The following KCNAB1 variants were observed in gnomAD, a reference collection of about 807,000 sequenced individuals.
KCNAB1 encodes the protein voltage-gated potassium channel subunit beta-1.
Under a neutral mutation model 64.6 loss-of-function variants are expected in KCNAB1, and 35 were observed. The ratio of observed to expected loss-of-function variants is 0.54; its 90% confidence interval spans 0.41 to 0.72. The LOEUF is 0.72. KCNAB1 is among the 30% of genes least tolerant of loss of function. KCNAB1 has a pLI of 0.00. For synonymous variants in KCNAB1, 177 were observed against 183.8 expected (o/e 0.96, Z 0.30); for missense variants, 401 against 512.9 (o/e 0.78, Z 2.11).
At chr3:156,351,317 C>T (rs1002962270) in intron 1 of KCNAB1, among the ~76,000 whole-genome samples, 9 of 152,178 alleles carry the variant, frequency 5.9e-5, no homozygotes, top group Non-Finnish European at 1.0e-4. Flanking sequence ...GGAAGCTCCA[C>T]GTCAGGGGTT....
chr3:156,360,494 G>C (rs150382259), intron 1 of KCNAB1, among the ~76,000 whole-genome samples: 1 of 152,282 alleles, frequency 6.6e-6, no homozygotes, highest in Non-Finnish European at 1.5e-5. Context: ...AGGATCGCTT[G>C]AGGCCAGGAG....
intron 1 of KCNAB1, among the ~76,000 whole-genome samples, chr3:156,306,618 G>A (rs1446537537): frequency 6.6e-6 from 1 of 152,202 alleles, no homozygotes; most frequent in Admixed American, 6.5e-5. Flanking sequence ...GAAAGAAAAG[G>A]CATTTCCCAG....
chr3:156,440,550 A>G (rs1229993296), intron 2 of KCNAB1, among the ~76,000 whole-genome samples: 1 of 152,230 alleles, frequency 6.6e-6, no homozygotes, highest in Non-Finnish European at 1.5e-5. Flanking sequence ...ATGTACCAAC[A>G]TTGTTTTATG....
At chr3:156,443,645 A>T (rs1287392067) in intron 2 of KCNAB1, among the ~76,000 whole-genome samples, 14 of 151,418 alleles carry the variant, frequency 9.2e-5, no homozygotes, top group Non-Finnish European at 7.4e-5. Context: ...GAGGCTGAGG[A>T]TGTCTTTCTC....
At chr3:156,326,960 A>G (rs1265812357) in intron 1 of KCNAB1, among the ~76,000 whole-genome samples, 1 of 152,170 alleles carries the variant, frequency 6.6e-6, no homozygotes, top group Non-Finnish European at 1.5e-5. Flanking sequence ...ATCATGTTGT[A>G]GCTCAGACTC....
chr3:156,241,705 CTA>C (rs200525489), intron 1 of KCNAB1, among the ~76,000 whole-genome samples: 4 of 151,960 alleles, frequency 2.6e-5, no homozygotes, highest in East Asian at 1.9e-4. Context: ...CTTCAGGACT[CTA>C]TTGTTTTGAA....
At chr3:156,309,524 GA>G (rs1368725736) in intron 1 of KCNAB1, among the ~76,000 whole-genome samples, 2 of 152,220 alleles carry the variant, frequency 1.3e-5, no homozygotes, top group African/African-American at 4.8e-5. Context: ...TAAAGCAAAA[GA>G]AATATTGAAT....
chr3:156,226,632 A>G (rs1489612140), intron 1 of KCNAB1, among the ~76,000 whole-genome samples: 2 of 152,224 alleles, frequency 1.3e-5, no homozygotes, highest in Non-Finnish European at 2.9e-5. Flanking sequence ...CAAAAATCTC[A>G]GAAATCACCG....
chr3:156,299,056 T>C (rs745468798), intron 1 of KCNAB1, among the ~76,000 whole-genome samples: 7 of 152,238 alleles, frequency 4.6e-5, no homozygotes, highest in Non-Finnish European at 8.8e-5. Context: ...TTTATATAGA[T>C]TGGCCAGTTA....
At chr3:156,233,720 G>A (rs1020205816) in intron 1 of KCNAB1, among the ~76,000 whole-genome samples, 7 of 152,108 alleles carry the variant, frequency 4.6e-5, no homozygotes, top group African/African-American at 9.7e-5. Flanking sequence ...AGTGGAGACA[G>A]TGAGGAGTGG....
intron 1 of KCNAB1, among the ~76,000 whole-genome samples, chr3:156,351,641 C>T (rs1042528055): frequency 6.6e-6 from 1 of 152,256 alleles, no homozygotes; most frequent in Admixed American, 6.5e-5. Flanking sequence ...AGAAGCTCCA[C>T]TCAGTCGCTA....
intron 1 of KCNAB1, among the ~76,000 whole-genome samples, chr3:156,223,636 A>G (rs1416301612): frequency 6.6e-6 from 1 of 152,170 alleles, no homozygotes; most frequent in East Asian, 1.9e-4. Context: ...TCCCTTAGCT[A>G]GACATAAAGG....
intron 1 of KCNAB1, among the ~76,000 whole-genome samples, chr3:156,397,193 C>G (rs1713527404): frequency 6.6e-6 from 1 of 152,184 alleles, no homozygotes; most frequent in African/African-American, 2.4e-5. Flanking sequence ...TCAAAACTCA[C>G]TAGCTAAGAG....
chr3:156,290,992 A>G (rs1183829478), intron 1 of KCNAB1: 2 of 985,552 alleles, frequency 2.0e-6, no homozygotes, highest in Non-Finnish European at 2.4e-6. Flanking sequence ...GTGTTAATTC[A>G]CTGGCGTGTT....
chr3:156,149,303 G>A (rs9882088), intron 1 of KCNAB1, among the ~76,000 whole-genome samples: 76,936 of 151,776 alleles, frequency 0.51, 21,454 homozygotes, highest in Admixed American at 0.7. Flanking sequence ...CAGGAAGGAA[G>A]CTTCCAGGCT....
intron 1 of KCNAB1, among the ~76,000 whole-genome samples, chr3:156,178,602 A>G (rs1209677598): frequency 6.6e-6 from 1 of 152,242 alleles, no homozygotes; most frequent in Non-Finnish European, 1.5e-5. Flanking sequence ...TTCAACCTTG[A>G]AAGGATAGAG....
intron 1 of KCNAB1, among the ~76,000 whole-genome samples, chr3:156,353,281 T>G (rs9844410): frequency 0.12 from 18,422 of 152,132 alleles, 2,986 homozygotes; most frequent in African/African-American, 0.38. Context: ...CTCCATCCTT[T>G]TCTCCTCCTC....
intron 1 of KCNAB1, among the ~76,000 whole-genome samples, chr3:156,221,778 C>CCCG: frequency 6.8e-6 from 1 of 146,948 alleles, no homozygotes; most frequent in African/African-American, 2.5e-5. Context: ...AACTCCATCC[C>CCCG]CCCCCGCCAA....
intron 8 of KCNAB1, among the ~76,000 whole-genome samples, chr3:156,511,338 C>T (rs1288866251): frequency 6.6e-6 from 1 of 152,108 alleles, no homozygotes; most frequent in African/African-American, 2.4e-5. Context: ...CTCCTGACCT[C>T]GTGATCCACC....
Sources: allele counts gnomAD v4.1 joint callset (sites outside exome capture counted in the v4.1 genomes callset), GRCh38; gene constraint gnomAD v4.1.1; transcripts MANE v1.5; gene names NCBI Gene and HGNC (gene_info 2026-07-23, HGNC 2026-07-21).